Variants in VPS53 observed in about 807,000 individuals in gnomAD.
VPS53 encodes the protein VPS53 subunit of GARP complex.
VPS53 carries 70 observed loss-of-function variants against 107.0 expected under a neutral mutation model. The ratio of observed to expected loss-of-function variants is 0.65; its 90% CI spans 0.54 to 0.80. VPS53 has a LOEUF of 0.80. VPS53 is among the 30% of genes least tolerant of loss of function. The probability of loss-of-function intolerance (pLI) is 0.00; values close to 1 mark genes in which losing one functional copy is unlikely to be tolerated. For missense variants in VPS53, 917 were observed against 1,049.4 expected, an observed-to-expected ratio of 0.87 and a Z score of 1.74; for synonymous variants, 409 against 393.3, an observed-to-expected ratio of 1.04 and a Z score of -0.47.
rs1295057680 is a variant in VPS53, at chr17:699,394, G to A, written c.169-14C>T. On this transcript the variant is annotated splice_polypyrimidine_tract_variant and intron_variant, in intron 2 of 21. Transcript: ENST00000437048. ...GTTCGCCAGAGACTACAATAAAGAA[G>A]GAAGAGTGCCCAGCTGTTAGTCCAC... 6.5e-7 allele frequency: 1 copy of A among 1,550,054 alleles called. No individual in the cohort carries two copies. Among genetic ancestry groups the A allele is most frequent in the Non-Finnish European group, 8.7e-7 (1 of 1,154,170 alleles).
chr17:658,626 C>T (rs1971309103), intron 5 of VPS53, among the ~76,000 whole-genome samples: 1 of 151,146 alleles, frequency 6.6e-6, no homozygotes, highest in African/African-American at 2.4e-5. Flanking sequence ...TGGGTAGATA[C>T]ATCCCACTAA....
intron 15 of VPS53, among the ~76,000 whole-genome samples, chr17:554,018 C>T (rs991826123): frequency 5.3e-5 from 8 of 152,188 alleles, no homozygotes; most frequent in African/African-American, 1.9e-4. Context: ...CTGTGCAGTA[C>T]TTGTTTCTTA....
At position 709,639 on chromosome 17, in the gene VPS53, C is replaced by G. The variant is rs185527386; in HGVS notation, c.168+894G>C. Among the ~76,000 whole-genome samples the G allele has an allele frequency of 1.4e-3, 215 of 152,282 alleles. 1 individual carries two copies. Among genetic ancestry groups the G allele is most frequent in the Non-Finnish European group, 1.8e-4 (12 of 68,024 alleles). ...TCATCTCTGCACCCTCAGCACCTAGCACAGTGACTGACAACACATGACAGG... is the reference window on the plus strand; with the variant it reads ...TCATCTCTGCACCCTCAGCACCTAGGACAGTGACTGACAACACATGACAGG... On this transcript the variant is annotated intron_variant, in intron 2 of 21. Coordinates refer to ENST00000437048, the MANE Select transcript of VPS53 (RefSeq NM_001128159.3).
At chr17:562,781 A>G in intron 13 of VPS53, 36 bp from the exon 14 acceptor site, 1 of 1,587,434 alleles carries the variant, frequency 6.3e-7, no homozygotes, top group South Asian at 1.1e-5. Flanking sequence ...ATGTTATTTT[A>G]CTTCAAGAAA....
intron 7 of VPS53, among the ~76,000 whole-genome samples, chr17:641,452 T>C (rs535989791): frequency 1.3e-5 from 2 of 152,334 alleles, no homozygotes; most frequent in East Asian, 1.9e-4. Context: ...AAAGCACATA[T>C]ATGTGCCAAA....
intron 7 of VPS53, among the ~76,000 whole-genome samples, chr17:650,776 A>G (rs1412510014): frequency 6.6e-6 from 1 of 152,204 alleles, no homozygotes; most frequent in East Asian, 1.9e-4. Flanking sequence ...AAAAGGGGGC[A>G]TATTTTAAGA....
chr17:557,817 G>T (rs567471086), intron 15 of VPS53, among the ~76,000 whole-genome samples: 35 of 149,924 alleles, frequency 2.3e-4, no homozygotes, highest in Admixed American at 4.7e-4. Flanking sequence ...AAACATTTAA[G>T]ATGCTATATT....
At chr17:699,633 C>A (rs1973120845) in intron 2 of VPS53, among the ~76,000 whole-genome samples, 1 of 152,160 alleles carries the variant, frequency 6.6e-6, no homozygotes, top group African/African-American at 2.4e-5. Flanking sequence ...ATATTGCCTG[C>A]GGCTGCTCTT....
Position 623,547 on chromosome 17 carries a change from T to G in VPS53, c.1102A>C (p.Thr368Pro). 2 of 1,612,954 alleles carry G rather than the reference T, an allele frequency of 1.2e-6. No homozygotes were observed. Among genetic ancestry groups the G allele is most frequent in the South Asian group, 1.1e-5 (1 of 90,972 alleles). Residue 368 changes from threonine to proline, a missense_variant, in exon 11 of 22, where the codon ACC (threonine) becomes CCC (proline). Transcript: ENST00000437048. ...LAKRFSGCTL[T>P]DGTLKKLESP... Reference sequence around the variant, plus strand: ...GAAGGTCTTACCAGGGTCCCATCGGTCAGGGTGCAGCCGGAGAAGCGTTTT... The same window carrying G: ...GAAGGTCTTACCAGGGTCCCATCGGGCAGGGTGCAGCCGGAGAAGCGTTTT...
intron 4 of VPS53, among the ~76,000 whole-genome samples, chr17:670,052 G>A (rs1000566428): frequency 2.6e-5 from 4 of 152,206 alleles, no homozygotes; most frequent in African/African-American, 9.7e-5. Flanking sequence ...TGGAGCTACA[G>A]CTTACGTCTA....
chr17:555,318 T>C (rs1912229992), intron 15 of VPS53, among the ~76,000 whole-genome samples: 1 of 152,208 alleles, frequency 6.6e-6, no homozygotes, highest in East Asian at 1.9e-4. Context: ...AAACATGGCC[T>C]GCTCAGCCCT....
chr17:564,078 C>T (rs900228186), intron 13 of VPS53, among the ~76,000 whole-genome samples: 3 of 151,436 alleles, frequency 2.0e-5, no homozygotes, highest in Non-Finnish European at 2.9e-5. Flanking sequence ...GGCAAAACCC[C>T]GTCTCTACTA....
chr17:557,144 C>T (rs528206298), intron 15 of VPS53, among the ~76,000 whole-genome samples: 4 of 152,282 alleles, frequency 2.6e-5, no homozygotes, highest in Admixed American at 6.5e-5. Context: ...TGAGCCACCG[C>T]GCCCCCACTC....
chr17:616,501 A>C (rs548698882), intron 11 of VPS53: 22 of 152,504 alleles, frequency 1.4e-4, no homozygotes, highest in African/African-American at 5.0e-4. Flanking sequence ...AAAAGGCTCA[A>C]GTGTTCCTAG....
chr17:698,785 T>C (rs548993089), intron 3 of VPS53, among the ~76,000 whole-genome samples: 1 of 152,196 alleles, frequency 6.6e-6, no homozygotes, highest in African/African-American at 2.4e-5. Flanking sequence ...ATGTTTTGAG[T>C]AGACTCTATC....
At chr17:648,084 TAGG>T (rs1426841618) in intron 7 of VPS53, among the ~76,000 whole-genome samples, 1 of 152,184 alleles carries the variant, frequency 6.6e-6, no homozygotes, top group African/African-American at 2.4e-5. Flanking sequence ...CCTCCAAGCC[TAGG>T]AGATCAGCTG....
chr17:710,955 T>G (rs1342501704), intron 1 of VPS53, among the ~76,000 whole-genome samples: 1 of 151,964 alleles, frequency 6.6e-6, no homozygotes, highest in African/African-American at 2.4e-5. Context: ...AAAATTAAAT[T>G]AATTAATTAA....
chr17:713,350 G>A (rs961421369), intron 1 of VPS53, among the ~76,000 whole-genome samples: 5 of 152,146 alleles, frequency 3.3e-5, no homozygotes, highest in African/African-American at 1.2e-4. Flanking sequence ...ATACCCTGCA[G>A]TATTAGAAAT....
intron 7 of VPS53, among the ~76,000 whole-genome samples, chr17:637,411 T>C (rs1295689280): frequency 6.6e-6 from 1 of 152,212 alleles, no homozygotes; most frequent in East Asian, 1.9e-4. Context: ...TTTGTGTCTC[T>C]ATCTCCCTCA....
Sources: allele counts gnomAD v4.1 joint callset (sites outside exome capture counted in the v4.1 genomes callset), GRCh38; gene constraint gnomAD v4.1.1; transcripts MANE v1.5; gene names NCBI Gene and HGNC (gene_info 2026-07-23, HGNC 2026-07-21).